Variants in SLC2A13 observed in about 807,000 individuals in gnomAD.
SLC2A13 encodes the protein proton myo-inositol cotransporter.
Under a neutral mutation model 64.4 loss-of-function variants are expected in SLC2A13, and 32 were observed. That is an observed-to-expected ratio of 0.50 (90% CI 0.37 to 0.67). SLC2A13 has a LOEUF of 0.67. Among genes scored for constraint, SLC2A13 ranks in the 30% least tolerant of loss-of-function variants. SLC2A13 has a pLI of 0.00. For synonymous variants in SLC2A13, 338 were observed against 327.1 expected (o/e 1.03, Z -0.36); for missense variants, 743 against 829.2 (o/e 0.90, Z 1.28).
At chr12:39,896,560 A>G (rs1166635684) in intron 4 of SLC2A13, among the ~76,000 whole-genome samples, 1 of 123,126 alleles carries the variant, frequency 8.1e-6, no homozygotes, top group Non-Finnish European at 1.8e-5. Flanking sequence ...ATACATGTAT[A>G]CATATATGTA....
intron 3 of SLC2A13, among the ~76,000 whole-genome samples, chr12:40,005,698 G>A (rs115701975): frequency 0.014 from 2,080 of 152,288 alleles, 46 homozygotes; most frequent in African/African-American, 0.046. Flanking sequence ...CACTGATTCA[G>A]ATGCATGCTA....
intron 7 of SLC2A13, among the ~76,000 whole-genome samples, chr12:39,819,152 G>A (rs1942420593): frequency 6.6e-6 from 1 of 152,122 alleles, no homozygotes; most frequent in Non-Finnish European, 1.5e-5. Flanking sequence ...GGATATCCAT[G>A]TATCACACTT....
intron 4 of SLC2A13, among the ~76,000 whole-genome samples, chr12:39,896,758 T>G (rs930039070): frequency 1.3e-5 from 2 of 152,058 alleles, no homozygotes; most frequent in Admixed American, 6.6e-5. Flanking sequence ...TTCTATTATA[T>G]TTTTCACATA....
At chr12:40,104,589 G>T (rs1257001229) in intron 1 of SLC2A13, among the ~76,000 whole-genome samples, 1 of 152,188 alleles carries the variant, frequency 6.6e-6, no homozygotes, top group Non-Finnish European at 1.5e-5. Context: ...GATAAAAAAG[G>T]ATTCAAATGA....
chr12:39,833,019 C>G (rs1028346558), intron 6 of SLC2A13, among the ~76,000 whole-genome samples: 3 of 152,024 alleles, frequency 2.0e-5, no homozygotes, highest in Non-Finnish European at 2.9e-5. Flanking sequence ...TTCTTAGCCC[C>G]CTGATTTCTA....
In SLC2A13 at chr12:40,046,933, G is replaced by A. The variant is rs146101474; in HGVS notation, c.716+1118C>T. 3.1e-3 allele frequency among the ~76,000 whole-genome samples: 469 copies of A among 149,140 alleles called. 6 individuals are homozygous for A. Among genetic ancestry groups the A allele is most frequent in the African/African-American group, 0.011 (442 of 40,484 alleles). On this transcript the variant is annotated intron_variant, in intron 2 of 9. Coordinates refer to ENST00000280871, the MANE Select transcript of SLC2A13 (RefSeq NM_052885.4). ...TTTTTTTTTTTTGAGATGGAGTCTC[G>A]CTCTGTTGTCCAGGCTGGAGTGCAG...
intron 3 of SLC2A13, among the ~76,000 whole-genome samples, chr12:39,997,047 T>C (rs951746669): frequency 3.3e-5 from 5 of 152,060 alleles, no homozygotes; most frequent in African/African-American, 7.2e-5. Context: ...CTAAAATTCA[T>C]ATGGAACCAA....
chr12:39,829,998 G>C, intron 7 of SLC2A13, 105 bp downstream of exon 7: 1 of 1,372,518 alleles, frequency 7.3e-7, no homozygotes, highest in South Asian at 1.2e-5. Flanking sequence ...AGTTATGAAG[G>C]CCAGTTTAAA....
At chr12:39,803,204 C>CAAAAAA (rs369226817) in intron 7 of SLC2A13, among the ~76,000 whole-genome samples, 1 of 73,754 alleles carries the variant, frequency 1.4e-5, no homozygotes. Context: ...GAAGCAAATG[C>CAAAAAA]AAAAAAAAAA....
At chr12:39,861,912 G>A (rs1231912604) in intron 6 of SLC2A13, among the ~76,000 whole-genome samples, 2 of 152,020 alleles carry the variant, frequency 1.3e-5, no homozygotes, top group Non-Finnish European at 1.5e-5. Context: ...TGTGCAGGAC[G>A]TGCAGGTCTG....
chr12:40,043,252 A>G (rs1489827919), intron 2 of SLC2A13, among the ~76,000 whole-genome samples: 2 of 152,212 alleles, frequency 1.3e-5, no homozygotes, highest in African/African-American at 4.8e-5. Flanking sequence ...GATTTAACTA[A>G]GCAATTTTCA....
intron 3 of SLC2A13, among the ~76,000 whole-genome samples, chr12:39,964,464 C>T (rs1946470826): frequency 6.6e-6 from 1 of 152,156 alleles, no homozygotes; most frequent in Non-Finnish European, 1.5e-5. Context: ...ATAAAGGTGC[C>T]ATTCCTAAAA....
chr12:40,020,131 A>C (rs1947688084), intron 3 of SLC2A13, among the ~76,000 whole-genome samples: 2 of 151,950 alleles, frequency 1.3e-5, no homozygotes, highest in East Asian at 1.9e-4. Context: ...TGAGGGAAAA[A>C]ATAAGGTTTC....
At chr12:39,914,691 T>C (rs1945493557) in intron 4 of SLC2A13, among the ~76,000 whole-genome samples, 1 of 151,922 alleles carries the variant, frequency 6.6e-6, no homozygotes, top group Non-Finnish European at 1.5e-5. Context: ...CATGATATGA[T>C]ACATTTGGTA....
intron 2 of SLC2A13, among the ~76,000 whole-genome samples, chr12:40,044,655 G>C (rs1948145251): frequency 1.3e-5 from 2 of 152,038 alleles, no homozygotes; most frequent in African/African-American, 2.4e-5. Context: ...TTTTTTTCTA[G>C]AGAAAGTAAA....
At chr12:39,890,544 G>A (rs1254178922) in intron 4 of SLC2A13, among the ~76,000 whole-genome samples, 1 of 152,166 alleles carries the variant, frequency 6.6e-6, no homozygotes, top group Non-Finnish European at 1.5e-5. Flanking sequence ...GACGGAGGCA[G>A]AAGTAAATCT....
chr12:39,932,292 C>T (rs1441323709), intron 4 of SLC2A13, among the ~76,000 whole-genome samples: 1 of 152,156 alleles, frequency 6.6e-6, no homozygotes, highest in Non-Finnish European at 1.5e-5. Flanking sequence ...TAGTAGTACA[C>T]TTCTTTTTTT....
At chr12:39,994,182 G>T (rs1947186037) in intron 3 of SLC2A13, among the ~76,000 whole-genome samples, 1 of 152,132 alleles carries the variant, frequency 6.6e-6, no homozygotes, top group Non-Finnish European at 1.5e-5. Context: ...GAGGTCAGGA[G>T]ATCGAGACCA....
At position 40,105,904 on chromosome 12, in the gene SLC2A13, T is replaced by C; in HGVS notation, c.-96A>G. On this transcript the variant is annotated 5_prime_UTR_variant, in exon 1 of 10. Transcript: ENST00000280871. This position sits in a 1 kb window ranked among gnomAD's most constrained non-coding sequence, Gnocchi z 4.2. The stretch of plus-strand genomic sequence containing the variant: ...CCGAGCCGGCGGGAGCAACCGCCGC[T>C]GCCGCCGCTTTCTTCCTCCCGGCTT... The C allele has an allele frequency of 1.6e-6, 2 of 1,252,290 alleles. No individual in the cohort carries two copies. The highest frequency in any genetic ancestry group is 2.0e-6 in the Non-Finnish European group (2 of 990,950). 77.6% of individuals were successfully genotyped at this position (1,252,290 alleles called of 1,614,324 possible).
Sources: allele counts gnomAD v4.1 joint callset (sites outside exome capture counted in the v4.1 genomes callset), GRCh38; gene constraint gnomAD v4.1.1; non-coding constraint Gnocchi (gnomAD v3.1); transcripts MANE v1.5; gene names NCBI Gene and HGNC (gene_info 2026-07-23, HGNC 2026-07-21).